LPAR1: variants seen among roughly 807,000 people sequenced by gnomAD.
LPAR1 encodes lysophosphatidic acid receptor 1.
In LPAR1, 5 loss-of-function variants were observed where a neutral mutation model predicts 23.8. The observed-to-expected ratio is 0.21, with a 90% CI of 0.11 to 0.44. LPAR1 has a LOEUF of 0.44. Among genes scored for constraint, LPAR1 ranks in the 20% least tolerant of loss-of-function variants. The probability of loss-of-function intolerance (pLI) is 0.99; values close to 1 mark genes in which losing one functional copy is unlikely to be tolerated. For missense variants in LPAR1, 311 were observed against 482.8 expected, an observed-to-expected ratio of 0.64 and a Z score of 3.33; for synonymous variants, 160 against 164.7, an observed-to-expected ratio of 0.97 and a Z score of 0.22.
At chr9:111,012,179 A>G (rs2097343485) in intron 2 of LPAR1, among the ~76,000 whole-genome samples, 1 of 152,156 alleles carries the variant, frequency 6.6e-6, no homozygotes, top group African/African-American at 2.4e-5. Context: ...TGAGCCTAGG[A>G]GTTCAAGGCT....
chr9:110,951,360 A>C (rs919323971), intron 4 of LPAR1, among the ~76,000 whole-genome samples: 2 of 152,288 alleles, frequency 1.3e-5, no homozygotes, highest in African/African-American at 4.8e-5. Context: ...AAGAAAAACT[A>C]AATTAGTAGA....
chr9:111,016,972 G>T (rs1378891605), intron 2 of LPAR1, among the ~76,000 whole-genome samples: 1 of 152,120 alleles, frequency 6.6e-6, no homozygotes, highest in South Asian at 2.1e-4. Context: ...ATACATTAAA[G>T]TACCTAACGT....
chr9:110,916,577 C>G lies in LPAR1; in HGVS notation c.793+24844G>C, dbSNP rs184916550. Among the ~76,000 whole-genome samples, 222 of 137,562 alleles carry G rather than the reference C, an allele frequency of 1.6e-3. 3 individuals carry two copies. Among genetic ancestry groups the G allele is most frequent in the Admixed American group, 3.6e-3 (47 of 12,918 alleles). 90.2% of individuals were successfully genotyped at this position (137,562 alleles called of 152,430 possible). ...TGACTCAGACCCAGGTGGCCTGGAT[C>G]ACTCAGACCCTCCGTAGGAAGACCA... On this transcript the variant is annotated intron_variant, in intron 5 of 5. Coordinates refer to ENST00000683809, the MANE Select transcript of LPAR1 (RefSeq NM_001351411.2).
At chr9:110,924,833 G>C (rs1418577530) in intron 5 of LPAR1, among the ~76,000 whole-genome samples, 2 of 152,110 alleles carry the variant, frequency 1.3e-5, no homozygotes, top group Non-Finnish European at 2.9e-5. Context: ...CTTCCAACAA[G>C]ATAGTCTCTC....
chr9:110,932,577 T>C (rs2094474613), intron 5 of LPAR1, among the ~76,000 whole-genome samples: 1 of 152,254 alleles, frequency 6.6e-6, no homozygotes, highest in South Asian at 2.1e-4. Flanking sequence ...CCCCAGGCCA[T>C]GGACCAGTAA....
intron 2 of LPAR1, among the ~76,000 whole-genome samples, chr9:111,008,686 G>C (rs1250926722): frequency 6.6e-6 from 1 of 152,136 alleles, no homozygotes; most frequent in Non-Finnish European, 1.5e-5. Flanking sequence ...CATGGATCTA[G>C]GTAGGAAAGA....
chr9:110,895,671 G>C (rs776528878), intron 5 of LPAR1, among the ~76,000 whole-genome samples: 25 of 152,268 alleles, frequency 1.6e-4, no homozygotes, highest in African/African-American at 6.0e-4. Flanking sequence ...AGCACTGACT[G>C]GGGGGTGTTC....
intron 5 of LPAR1, among the ~76,000 whole-genome samples, chr9:110,935,094 G>C (rs1469655827): frequency 3.3e-5 from 5 of 152,112 alleles, no homozygotes; most frequent in African/African-American, 1.2e-4. Context: ...CTCTTCCTTT[G>C]AGAACCAGTT....
chr9:111,038,732 G>A, upstream of LPAR1: 2 of 443,322 alleles, frequency 4.5e-6, no homozygotes, highest in Non-Finnish European at 9.1e-6. The surrounding 1 kb of genome is among the most constrained non-coding windows in gnomAD (Gnocchi z 4.4). Flanking sequence ...TGGTGGCAGG[G>A]CCGGGGCTGG....
intron 2 of LPAR1, among the ~76,000 whole-genome samples, chr9:111,027,721 A>T (rs777310879): frequency 1.3e-5 from 2 of 151,832 alleles, no homozygotes; most frequent in African/African-American, 2.4e-5. Flanking sequence ...AAATAATGAG[A>T]GCAGGCATGT....
At chr9:111,018,646 T>C (rs1408167733) in intron 2 of LPAR1, among the ~76,000 whole-genome samples, 1 of 152,196 alleles carries the variant, frequency 6.6e-6, no homozygotes, top group Non-Finnish European at 1.5e-5. Flanking sequence ...ATGGGTACTT[T>C]TTCCTTCTTC....
chr9:110,927,604 A>G (rs73655683), intron 5 of LPAR1, among the ~76,000 whole-genome samples: 1 of 152,280 alleles, frequency 6.6e-6, no homozygotes, highest in African/African-American at 2.4e-5. Context: ...AAACAGCCAA[A>G]CTGCACGCAA....
intron 5 of LPAR1, among the ~76,000 whole-genome samples, chr9:110,877,477 C>T (rs1182588180): frequency 6.6e-6 from 1 of 152,164 alleles, no homozygotes; most frequent in East Asian, 1.9e-4. Flanking sequence ...ATTCCAAGTC[C>T]TTGAATTTCC....
intron 4 of LPAR1, among the ~76,000 whole-genome samples, chr9:110,965,074 T>C (rs926601007): frequency 6.6e-5 from 10 of 152,020 alleles, no homozygotes; most frequent in African/African-American, 2.4e-4. Flanking sequence ...TTTCACCATA[T>C]TGGCCAGGCT....
intron 5 of LPAR1, among the ~76,000 whole-genome samples, chr9:110,935,921 C>G (rs1463806423): frequency 6.6e-6 from 1 of 152,244 alleles, no homozygotes; most frequent in Non-Finnish European, 1.5e-5. Context: ...AAAACTCCAT[C>G]TGGCATACCT....
chr9:110,930,809 G>A (rs185576840), intron 5 of LPAR1, among the ~76,000 whole-genome samples: 13 of 152,130 alleles, frequency 8.5e-5, no homozygotes, highest in African/African-American at 2.2e-4. Flanking sequence ...CAGCTACCCC[G>A]GAGGCTGAGG....
chr9:111,023,848 T>C (rs1404684515), intron 2 of LPAR1, among the ~76,000 whole-genome samples: 5 of 152,232 alleles, frequency 3.3e-5, no homozygotes, highest in Non-Finnish European at 2.9e-5. Context: ...TAGTAAACTA[T>C]ATACAACTAA....
At chr9:110,987,668 A>ATG (rs1007223840) in intron 2 of LPAR1, among the ~76,000 whole-genome samples, 16 of 64,920 alleles carry the variant, frequency 2.5e-4, no homozygotes, top group Admixed American at 1.3e-3. Flanking sequence ...TGGAACCTAC[A>ATG]TGTATATATA....
rs965557710 is a variant in LPAR1 at position 110,875,066 on chromosome 9, T to C, written c.*355A>G. On this transcript the variant is annotated 3_prime_UTR_variant, in exon 6 of 6. Coordinates refer to ENST00000683809, the MANE Select transcript of LPAR1 (RefSeq NM_001351411.2). ...GCCTGTATATAAATGAAGTTGTGGATTCAACTAGCCAGAATTTATTCTGAC... is the reference window on the plus strand; with the variant it reads ...GCCTGTATATAAATGAAGTTGTGGACTCAACTAGCCAGAATTTATTCTGAC... The C allele has an allele frequency of 1.2e-5, 2 of 172,340 alleles. No individual in the cohort carries two copies. Among genetic ancestry groups the C allele is most frequent in the Admixed American group, 1.2e-4 (2 of 16,034 alleles). The allele number at this position is 172,340 out of a possible 1,614,324, so 10.7% of individuals were successfully genotyped here.
Sources: gnomAD v4.1 joint callset for allele counts (sites outside exome capture counted in the v4.1 genomes callset) on GRCh38, gnomAD v4.1.1 for gene constraint, Gnocchi (gnomAD v3.1) non-coding constraint, MANE v1.5 for transcripts, NCBI Gene and HGNC (gene_info 2026-07-23, HGNC 2026-07-21) for gene names.